DAPK1: variants seen among roughly 807,000 people sequenced by gnomAD.
The protein encoded by DAPK1 is death associated protein kinase 1.
DAPK1 carries 56 observed loss-of-function variants against 144.9 expected under a neutral mutation model. That is an observed-to-expected ratio of 0.39 (90% confidence interval 0.31 to 0.48). DAPK1 has a LOEUF of 0.48. Among genes scored for constraint, DAPK1 ranks in the 20% least tolerant of loss-of-function variants. The probability of loss-of-function intolerance (pLI) is 0.95; values close to 1 mark genes in which losing one functional copy is unlikely to be tolerated. For missense variants in DAPK1, 1,454 were observed against 1,875.4 expected, an observed-to-expected ratio of 0.78 and a Z score of 4.15; for synonymous variants, 690 against 749.0, an observed-to-expected ratio of 0.92 and a Z score of 1.29.
chr9:87,616,321 T>C (rs906720938), intron 3 of DAPK1, among the ~76,000 whole-genome samples: 2 of 152,202 alleles, frequency 1.3e-5, no homozygotes, highest in Admixed American at 1.3e-4. Context: ...TACGTCCTAC[T>C]CTGGCACCCA....
chr9:87,671,587 A>G (rs1824159633), intron 19 of DAPK1, among the ~76,000 whole-genome samples: 1 of 151,892 alleles, frequency 6.6e-6, no homozygotes, highest in South Asian at 2.1e-4. Flanking sequence ...TGCAGCGTCA[A>G]ACTCCTGGGC....
At chr9:87,550,746 G>C (rs1348751188) in intron 2 of DAPK1, among the ~76,000 whole-genome samples, 1 of 152,152 alleles carries the variant, frequency 6.6e-6, no homozygotes, top group Non-Finnish European at 1.5e-5. Context: ...CAGCACCTGG[G>C]TTGTTTTATG....
intron 3 of DAPK1, among the ~76,000 whole-genome samples, chr9:87,625,793 C>G (rs1829469767): frequency 6.6e-6 from 1 of 152,186 alleles, no homozygotes; most frequent in South Asian, 2.1e-4. Flanking sequence ...ATAAGTTTGA[C>G]CGCATTCAAA....
At chr9:87,632,449 A>G in intron 3 of DAPK1, 1 of 982,414 alleles carries the variant, frequency 1.0e-6, no homozygotes, top group Non-Finnish European at 1.2e-6. Flanking sequence ...AGGATGAAGG[A>G]GGATGAGTAT....
chr9:87,643,590 G>A lies in DAPK1; in HGVS notation c.1011+122G>A, dbSNP rs962172578. On this transcript the variant is annotated intron_variant, in intron 11 of 25. Coordinates refer to ENST00000408954, the MANE Select transcript of DAPK1 (RefSeq NM_004938.4). ...TTGTGGAAATGGCAAGCTTATTCTT[G>A]ATCCCCTCGGAGGGGTTTGGGGGTG... The A allele has an allele frequency of 2.6e-4, 177 of 671,458 alleles. 1 individual carries two copies. In the East Asian group the frequency reaches 4.6e-3, roughly 18 times the overall value. 41.6% of individuals were successfully genotyped at this position (671,458 alleles called of 1,614,324 possible).
chr9:87,688,614 G>A (rs1824950869), intron 21 of DAPK1, among the ~76,000 whole-genome samples: 1 of 151,888 alleles, frequency 6.6e-6, no homozygotes, highest in Admixed American at 6.6e-5. Context: ...TGTCTTTTTA[G>A]TAATAGCCAT....
intron 2 of DAPK1, among the ~76,000 whole-genome samples, chr9:87,588,523 GA>G (rs1330133133): frequency 6.6e-6 from 1 of 152,126 alleles, no homozygotes; most frequent in Non-Finnish European, 1.5e-5. Context: ...ACCATGCTGA[GA>G]CTCAGCAAAG....
chr9:87,658,667 CA>C (rs1257384643), intron 18 of DAPK1, among the ~76,000 whole-genome samples: 2 of 152,236 alleles, frequency 1.3e-5, no homozygotes, highest in African/African-American at 4.8e-5. Context: ...CTCCCGATGC[CA>C]GACCTAGCAC....
rs1041233524 is a variant in DAPK1, at chr9:87,633,318, A to T, written c.285-4625A>T. 1.3e-5 allele frequency: 13 copies of T among 984,882 alleles called. No homozygotes were observed. The African/African-American group carries it at 1.8e-4, about 13-fold the overall frequency. 61.0% of individuals were successfully genotyped at this position (984,882 alleles called of 1,614,324 possible). A position where few individuals can be genotyped will look rare whatever the true frequency, so the allele number is the denominator to read the frequency against. On this transcript the variant is annotated intron_variant, in intron 3 of 25. Transcript: ENST00000408954. The stretch of plus-strand genomic sequence containing the variant: ...TAGGGATGAAAGGGGATGTGTACAT[A>T]TGTAGATATGAAGGAAGATGAGTAT...
Position 87,696,999 on chromosome 9 carries a change from T to C in DAPK1, c.2414-8T>C, listed in dbSNP as rs377614305. On this transcript the variant is annotated splice_polypyrimidine_tract_variant and splice_region_variant and intron_variant, in intron 21 of 25. Transcript: ENST00000408954. ...TTCACGATTGTTATCATTTTTCTTT[T>C]TCTGTAGGAGTTGGCGATTTCAGCG... 1.3e-5 allele frequency: 19 copies of C among 1,450,854 alleles called. No homozygotes were observed. In the African/African-American group the frequency reaches 2.2e-4, roughly 17 times the overall value. The allele number at this position is 1,450,854 out of a possible 1,614,324, so 89.9% of individuals were successfully genotyped here. A position where few individuals can be genotyped will look rare whatever the true frequency, so the allele number is the denominator to read the frequency against.
chr9:87,688,107 G>A (rs11531863), intron 21 of DAPK1, among the ~76,000 whole-genome samples: 19,929 of 123,332 alleles, frequency 0.16, 1,866 homozygotes, highest in East Asian at 0.47. Context: ...ACCCCCTCTA[G>A]TAGTCCCCAG....
chr9:87,541,087 C>CA (rs562352376), intron 2 of DAPK1, among the ~76,000 whole-genome samples: 50 of 152,348 alleles, frequency 3.3e-4, no homozygotes, highest in South Asian at 1.0e-3. Context: ...TACACATTAT[C>CA]AAAACCATTC....
At chr9:87,692,954 T>TTTTTTTTC (rs1825121057) in intron 21 of DAPK1, among the ~76,000 whole-genome samples, 1 of 33,858 alleles carries the variant, frequency 3.0e-5, no homozygotes, top group Admixed American at 3.3e-4. Flanking sequence ...TGACTAGACT[T>TTTTTTTTC]TTTTTTTTTT....
intron 2 of DAPK1, among the ~76,000 whole-genome samples, chr9:87,581,011 CAG>C (rs1827736191): frequency 6.6e-6 from 1 of 152,218 alleles, no homozygotes; most frequent in Admixed American, 6.5e-5. Context: ...CACTCAGCTA[CAG>C]AGTTAGCAGA....
Position 87,651,807 on chromosome 9 carries a change from C to G in DAPK1, c.1824+83C>G. The G allele has an allele frequency of 9.7e-6, 12 of 1,242,582 alleles. No homozygotes were observed. The South Asian group carries it at 1.3e-4, about 13-fold the overall frequency. The allele number at this position is 1,242,582 out of a possible 1,614,324, so 77.0% of individuals were successfully genotyped here. On this transcript the variant is annotated intron_variant, in intron 17 of 25. Coordinates refer to ENST00000408954, the MANE Select transcript of DAPK1 (RefSeq NM_004938.4). ...GGGTCCTGATTCTGTGTCCTCTCAC[C>G]TGATCCCAGGTCCTGATTCTGTGTC...
At chr9:87,571,449 A>C in intron 2 of DAPK1, among the ~76,000 whole-genome samples, 1 of 49,036 alleles carries the variant, frequency 2.0e-5, no homozygotes, top group African/African-American at 1.4e-4. Flanking sequence ...ACACACACAC[A>C]CACACACACA....
chr9:87,528,157 G>A (rs1398136842), intron 2 of DAPK1, among the ~76,000 whole-genome samples: 1 of 152,202 alleles, frequency 6.6e-6, no homozygotes, highest in East Asian at 1.9e-4. Flanking sequence ...GCGTGCGTAA[G>A]CACCTTGATG....
chr9:87,665,859 C>T (rs1587826698), intron 18 of DAPK1, among the ~76,000 whole-genome samples: 1 of 152,324 alleles, frequency 6.6e-6, no homozygotes, highest in Non-Finnish European at 1.5e-5. Flanking sequence ...TCTGCAGCCA[C>T]TTGGTCCCCA....
At chr9:87,663,366 T>C (rs36215385) in intron 18 of DAPK1, among the ~76,000 whole-genome samples, 1 of 152,214 alleles carries the variant, frequency 6.6e-6, no homozygotes, top group African/African-American at 2.4e-5. Flanking sequence ...AATAGAACTT[T>C]CCCAGCCACC....
Sources: gnomAD v4.1 joint callset for allele counts (sites outside exome capture counted in the v4.1 genomes callset) on GRCh38, gnomAD v4.1.1 for gene constraint, MANE v1.5 for transcripts, NCBI Gene and HGNC (gene_info 2026-07-23, HGNC 2026-07-21) for gene names.